Variants in DNAAF9 observed in about 807,000 individuals in gnomAD.
DNAAF9 encodes shulin.
In DNAAF9, 90 loss-of-function variants were observed where a neutral mutation model predicts 167.0. That is an observed-to-expected ratio of 0.54 (90% CI 0.45 to 0.64). The LOEUF (loss-of-function observed/expected upper bound fraction) is 0.64, where lower values mean the gene tolerates loss of function less well. Ranked by LOEUF, DNAAF9 falls within the 30% of genes least tolerant of loss-of-function variation. The probability of loss-of-function intolerance (pLI) is 0.00; values close to 1 mark genes in which losing one functional copy is unlikely to be tolerated. For synonymous variants in DNAAF9, 491 were observed against 508.8 expected (o/e 0.96, Z 0.47); for missense variants, 1,315 against 1,442.2 (o/e 0.91, Z 1.43).
chr20:3,263,482 C>T (rs1027798564), intron 31 of DNAAF9, among the ~76,000 whole-genome samples: 3 of 152,170 alleles, frequency 2.0e-5, no homozygotes, highest in African/African-American at 4.8e-5. Flanking sequence ...AAGTGTAGCA[C>T]GATGCCTAAG....
chr20:3,342,375 G>A (rs902452595), intron 9 of DNAAF9, among the ~76,000 whole-genome samples: 2 of 152,148 alleles, frequency 1.3e-5, no homozygotes, highest in Admixed American at 6.5e-5. Context: ...GGTAATAACA[G>A]ATTTCTTTGT....
intron 7 of DNAAF9, among the ~76,000 whole-genome samples, chr20:3,358,584 T>A (rs539741830): frequency 6.6e-6 from 1 of 152,266 alleles, no homozygotes; most frequent in East Asian, 1.9e-4. Flanking sequence ...CTGTGCCCAG[T>A]CTGCCCTTTT....
Position 3,256,327 on chromosome 20 carries a change from A to G in DNAAF9, c.3056-116T>C, listed in dbSNP as rs1003179381. On this transcript the variant is annotated intron_variant, in intron 33 of 36. Coordinates refer to ENST00000252032, the MANE Select transcript of DNAAF9 (RefSeq NM_001009984.3). ...ATTCATGAGAAAATGCAAGAGACAGAACTGATGTGACTGGTGGCAGCTTAG... is the reference window on the plus strand; with the variant it reads ...ATTCATGAGAAAATGCAAGAGACAGGACTGATGTGACTGGTGGCAGCTTAG... 12 of 758,474 alleles carry G rather than the reference A, an allele frequency of 1.6e-5. No individual in the cohort carries two copies. In the African/African-American group the frequency reaches 1.7e-4, roughly 11 times the overall value. The allele number at this position is 758,474 out of a possible 1,614,324, so 47.0% of individuals were successfully genotyped here. A position where few individuals can be genotyped will look rare whatever the true frequency, so the allele number is the denominator to read the frequency against.
Position 3,298,165 on chromosome 20 carries a change from C to T in DNAAF9, c.1793G>A (p.Ser598Asn). The T allele has an allele frequency of 6.2e-7, 1 of 1,613,262 alleles. No individual in the cohort carries two copies. Among genetic ancestry groups the T allele is most frequent in the Non-Finnish European group, 8.5e-7 (1 of 1,179,646 alleles). Residue 598 changes from serine (S) to asparagine (N), a missense_variant, in exon 22 of 37, where the codon AGT becomes AAT. By Grantham distance (46) the Ser-to-Asn change is conservative. Coordinates refer to ENST00000252032, the MANE Select transcript of DNAAF9 (RefSeq NM_001009984.3). ...SISFYDGDST[S>N]TVAALLIDFK... ...GTCTATGAGAAGAGCAGCAACAGTA[C>T]TGGTGGAATCCTAAAGCGAAAAGGA...
At chr20:3,311,700 G>T (rs943033765) in intron 20 of DNAAF9, among the ~76,000 whole-genome samples, 4 of 152,190 alleles carry the variant, frequency 2.6e-5, no homozygotes, top group African/African-American at 9.7e-5. Flanking sequence ...AAAAAAAGCA[G>T]GTCTACATTA....
intron 14 of DNAAF9, among the ~76,000 whole-genome samples, chr20:3,323,232 T>G (rs909973080): frequency 6.7e-6 from 1 of 150,058 alleles, no homozygotes; most frequent in African/African-American, 2.5e-5. Context: ...GAGAAAGAGA[T>G]CTGCTAACCT....
Position 3,251,375 on chromosome 20 carries a change from AC to A in DNAAF9, c.*1196del, listed in dbSNP as rs1244774303. On this transcript the variant is annotated 3_prime_UTR_variant, in exon 37 of 37. Coordinates refer to ENST00000252032, the MANE Select transcript of DNAAF9 (RefSeq NM_001009984.3). Reference sequence around the variant, plus strand: ...AATATGTGAAATTCAGAAAACATTTACAGTTCAGGCAGCTGAGGCACTGAAG... The same window carrying A: ...AATATGTGAAATTCAGAAAACATTTAAGTTCAGGCAGCTGAGGCACTGAAG... 6.6e-6 allele frequency: 1 copy of A among 152,152 alleles called. No individual in the cohort carries two copies. The highest frequency in any genetic ancestry group is 1.5e-5 in the Non-Finnish European group (1 of 68,012). The allele number at this position is 152,152 out of a possible 1,614,324, so 9.4% of individuals were successfully genotyped here. A position where few individuals can be genotyped will look rare whatever the true frequency, so the allele number is the denominator to read the frequency against.
chr20:3,347,545 T>A (rs2070218140), intron 8 of DNAAF9, among the ~76,000 whole-genome samples: 1 of 152,186 alleles, frequency 6.6e-6, no homozygotes, highest in Non-Finnish European at 1.5e-5. Flanking sequence ...GGCAAATATA[T>A]AAGACTTTTT....
chr20:3,313,647 T>C (rs1011302003), intron 20 of DNAAF9, among the ~76,000 whole-genome samples: 14 of 152,286 alleles, frequency 9.2e-5, no homozygotes, highest in African/African-American at 1.9e-4. Context: ...AACAAGGTTT[T>C]TGAGGATTTC....
intron 10 of DNAAF9, among the ~76,000 whole-genome samples, chr20:3,336,748 C>T (rs983850339): frequency 5.3e-5 from 8 of 151,620 alleles, no homozygotes; most frequent in Non-Finnish European, 1.0e-4. Flanking sequence ...GACGGGGTTT[C>T]GCCATGTTGG....
intron 26 of DNAAF9, among the ~76,000 whole-genome samples, chr20:3,289,426 CAG>C (rs754300917): frequency 1.3e-5 from 2 of 152,026 alleles, no homozygotes; most frequent in Non-Finnish European, 2.9e-5. Context: ...GTTTGGGTGA[CAG>C]AGAGAGACCC....
At chr20:3,292,380 C>G (rs113924557) in intron 25 of DNAAF9, among the ~76,000 whole-genome samples, 1 of 152,182 alleles carries the variant, frequency 6.6e-6, no homozygotes, top group Non-Finnish European at 1.5e-5. Context: ...GAAAAAATGA[C>G]GTTTCTCATT....
chr20:3,397,763 T>C (rs1296045365), intron 1 of DNAAF9, among the ~76,000 whole-genome samples: 1 of 152,172 alleles, frequency 6.6e-6, no homozygotes, highest in African/African-American at 2.4e-5. Flanking sequence ...CATTAATAGA[T>C]TTCCTAATAA....
intron 20 of DNAAF9, among the ~76,000 whole-genome samples, chr20:3,314,453 G>A (rs2069467996): frequency 6.6e-6 from 1 of 152,178 alleles, no homozygotes; most frequent in Admixed American, 6.5e-5. Flanking sequence ...CTGGGAGGAG[G>A]AGCTGAGAGG....
intron 20 of DNAAF9, among the ~76,000 whole-genome samples, 158 bp downstream of exon 20, chr20:3,314,875 T>C (rs2069475622): frequency 6.6e-6 from 1 of 152,214 alleles, no homozygotes; most frequent in Non-Finnish European, 1.5e-5. Flanking sequence ...TTTCCTCATC[T>C]ACAAAGTGGG....
intron 11 of DNAAF9, 108 bp from the exon 12 acceptor site, chr20:3,330,790 A>ATT (rs2069812030): frequency 3.2e-5 from 14 of 430,984 alleles, no homozygotes; most frequent in South Asian, 1.7e-4. Flanking sequence ...CAAGAACTAC[A>ATT]CTTTTTTTTT....
chr20:3,291,345 G>GT (rs1330690178), intron 25 of DNAAF9, among the ~76,000 whole-genome samples: 2,171 of 133,564 alleles, frequency 0.016, 21 homozygotes, highest in East Asian at 0.026. Flanking sequence ...AAGTTTTTTT[G>GT]TTTTTTTTTT....
intron 7 of DNAAF9, among the ~76,000 whole-genome samples, chr20:3,355,158 C>A (rs2083266994): frequency 6.6e-6 from 1 of 152,218 alleles, no homozygotes; most frequent in Non-Finnish European, 1.5e-5. Context: ...TTCTTACATT[C>A]TCTGTATATT....
At chr20:3,314,399 G>T (rs991686610) in intron 20 of DNAAF9, among the ~76,000 whole-genome samples, 2 of 152,112 alleles carry the variant, frequency 1.3e-5, no homozygotes, top group Non-Finnish European at 2.9e-5. Context: ...ATACAAGAAG[G>T]TTCTTTATAG....
Sources: gnomAD v4.1 joint callset for allele counts (sites outside exome capture counted in the v4.1 genomes callset) on GRCh38, gnomAD v4.1.1 for gene constraint, MANE v1.5 for transcripts, NCBI Gene and HGNC (gene_info 2026-07-23, HGNC 2026-07-21) for gene names.